RARS2: variants seen among roughly 807,000 people sequenced by gnomAD.
The protein encoded by RARS2 is arginyl-tRNA synthetase 2, mitochondrial.
A neutral mutation model predicts 88.5 loss-of-function variants in RARS2; 67 were observed. The observed-to-expected ratio is 0.76, with a 90% confidence interval of 0.62 to 0.93. RARS2 has a LOEUF of 0.93. Among genes scored for constraint, RARS2 ranks in the 40% least tolerant of loss-of-function variants. RARS2 has a pLI of 0.00. For missense variants in RARS2, 664 were observed against 684.2 expected, an observed-to-expected ratio of 0.97 and a Z score of 0.33; for synonymous variants, 239 against 230.3, an observed-to-expected ratio of 1.04 and a Z score of -0.34.
At chr6:87,582,249 C>T (rs1195751384) in intron 1 of RARS2, among the ~76,000 whole-genome samples, 2 of 152,130 alleles carry the variant, frequency 1.3e-5, no homozygotes, top group Admixed American at 1.3e-4. Flanking sequence ...CCTATTTCTC[C>T]ACAATCTCAC....
intron 11 of RARS2, among the ~76,000 whole-genome samples, chr6:87,522,175 C>T (rs1404604005): frequency 6.6e-6 from 1 of 151,768 alleles, no homozygotes; most frequent in African/African-American, 2.4e-5. Context: ...ACTAAAAATA[C>T]AAAAATTAGC....
chr6:87,514,329 AT>A lies in RARS2; in HGVS notation c.*83del. 24 of 935,906 alleles carry A rather than the reference AT, an allele frequency of 2.6e-5. No homozygotes were observed. The highest frequency in any genetic ancestry group is 5.1e-5 in the Admixed American group (2 of 39,194). 58.0% of individuals were successfully genotyped at this position (935,906 alleles called of 1,614,324 possible). A position where few individuals can be genotyped will look rare whatever the true frequency, so the allele number is the denominator to read the frequency against. ...TCCATCTCAAAAAAAAAAAAAAAAA[AT>A]TTAAATTTATTCTGAACAGCAAGGC... is the stretch of plus-strand genomic sequence containing the variant. On this transcript the variant is annotated 3_prime_UTR_variant, in exon 20 of 20. Transcript: ENST00000369536.
At chr6:87,519,208 G>GTGTGTGTGTA (rs1210109506) in intron 14 of RARS2, 12 of 257,696 alleles carry the variant, frequency 4.7e-5, no homozygotes, top group East Asian at 9.5e-5. Flanking sequence ...GTGTGTGTGT[G>GTGTGTGTGTA]TATATATATA....
chr6:87,526,229 A>G (rs1775637598), intron 10 of RARS2, among the ~76,000 whole-genome samples: 1 of 152,094 alleles, frequency 6.6e-6, no homozygotes, highest in South Asian at 2.1e-4. Flanking sequence ...AAAAGAATAA[A>G]GTTGGGCCAG....
intron 5 of RARS2, among the ~76,000 whole-genome samples, chr6:87,551,848 A>G (rs189197240): frequency 3.9e-5 from 6 of 152,232 alleles, no homozygotes; most frequent in Non-Finnish European, 7.4e-5. Context: ...CATGTTGAGA[A>G]AAGAAAAGAA....
chr6:87,520,295 C>G, intron 12 of RARS2, 39 bp from the exon 13 acceptor site: 1 of 1,430,786 alleles, frequency 7.0e-7, no homozygotes, highest in Non-Finnish European at 9.8e-7. Context: ...AGAATACTGA[C>G]AAATTAATGT....
intron 8 of RARS2, among the ~76,000 whole-genome samples, chr6:87,540,166 T>C (rs911861613): frequency 6.6e-6 from 1 of 151,938 alleles, no homozygotes; most frequent in African/African-American, 2.4e-5. Context: ...AACTGGAATA[T>C]GGGCTAGGTG....
chr6:87,589,336 C>A (rs190690010), intron 1 of RARS2, among the ~76,000 whole-genome samples: 159 of 152,302 alleles, frequency 1.0e-3, no homozygotes, highest in Non-Finnish European at 1.6e-3. Context: ...TACGGCGAGA[C>A]CCCGTTCTCC....
At chr6:87,562,880 G>C (rs1404355732) in intron 3 of RARS2, 95 bp from the exon 4 acceptor site, 4 of 913,242 alleles carry the variant, frequency 4.4e-6, no homozygotes, top group Non-Finnish European at 7.3e-6. Flanking sequence ...AAAGACACAA[G>C]TAAGTCATCT....
At position 87,556,809 on chromosome 6, in the gene RARS2, A is replaced by AT. The variant is rs1554204345; in HGVS notation, c.298-1305dup. ...CTGTCTCAAAAAAAAAAAAAAAAAA[A>AT]TTTTTTTTTTTTCTTTTTAATAGAC... On this transcript the variant is annotated intron_variant, in intron 4 of 19. Coordinates refer to ENST00000369536, the MANE Select transcript of RARS2 (RefSeq NM_020320.5). Among the ~76,000 whole-genome samples, 240 of 131,838 alleles carry AT rather than the reference A, an allele frequency of 1.8e-3. 3 individuals are homozygous for AT. The highest frequency in any genetic ancestry group is 2.1e-3 in the East Asian group (9 of 4,346). The allele number at this position is 131,838 out of a possible 152,430, so 86.5% of individuals were successfully genotyped here.
intron 8 of RARS2, among the ~76,000 whole-genome samples, chr6:87,535,686 T>G (rs1421421214): frequency 1.3e-5 from 2 of 148,830 alleles, no homozygotes; most frequent in Non-Finnish European, 3.0e-5. Flanking sequence ...GTTTTTTTTT[T>G]TTTTTTTTGA....
intron 1 of RARS2, among the ~76,000 whole-genome samples, chr6:87,586,214 A>C (rs1775110579): frequency 6.6e-6 from 1 of 152,186 alleles, no homozygotes. Flanking sequence ...GGAATAGAGA[A>C]AGGAGAGGGG....
intron 6 of RARS2, among the ~76,000 whole-genome samples, chr6:87,548,178 G>A (rs1036746505): frequency 6.6e-6 from 1 of 152,218 alleles, no homozygotes; most frequent in East Asian, 1.9e-4. Flanking sequence ...GGGAGGCAGA[G>A]GTTGCAGTGA....
At chr6:87,540,358 C>A (rs548539949) in intron 8 of RARS2, among the ~76,000 whole-genome samples, 1 of 138,278 alleles carries the variant, frequency 7.2e-6, no homozygotes, top group Admixed American at 8.3e-5. Flanking sequence ...GAGGCTGAGG[C>A]AGAACTGCTT....
At chr6:87,531,670 G>C (rs1280779507) in intron 8 of RARS2, among the ~76,000 whole-genome samples, 1 of 152,134 alleles carries the variant, frequency 6.6e-6, no homozygotes, top group African/African-American at 2.4e-5. Context: ...ACTCAGCCAA[G>C]AACTAGGGTG....
chr6:87,568,355 C>G (rs2128185474), intron 2 of RARS2, among the ~76,000 whole-genome samples: 1 of 152,198 alleles, frequency 6.6e-6, no homozygotes, highest in Admixed American at 6.5e-5. Context: ...AAAATGTCAG[C>G]CAGGCATAGT....
chr6:87,539,300 C>T (rs138771996), intron 8 of RARS2, among the ~76,000 whole-genome samples: 26 of 152,088 alleles, frequency 1.7e-4, no homozygotes, highest in African/African-American at 5.8e-4. Flanking sequence ...AGACACTTTC[C>T]TCCCCGTCTA....
chr6:87,533,085 CAA>C (rs1353581992), intron 8 of RARS2, among the ~76,000 whole-genome samples: 2 of 151,908 alleles, frequency 1.3e-5, no homozygotes, highest in Non-Finnish European at 2.9e-5. Flanking sequence ...TTTATTTTCA[CAA>C]AAGAGTTTAG....
intron 2 of RARS2, chr6:87,564,590 A>G: frequency 2.6e-6 from 1 of 377,670 alleles, no homozygotes; most frequent in South Asian, 2.1e-5. Flanking sequence ...AATCGCTTGA[A>G]TCCTGGAGGT....
Sources: allele counts gnomAD v4.1 joint callset (sites outside exome capture counted in the v4.1 genomes callset), GRCh38; gene constraint gnomAD v4.1.1; transcripts MANE v1.5; gene names NCBI Gene and HGNC (gene_info 2026-07-23, HGNC 2026-07-21).